CCNE1: variants seen among roughly 807,000 people sequenced by gnomAD.
CCNE1 encodes cyclin E1.
A neutral mutation model predicts 54.1 loss-of-function variants in CCNE1; 8 were observed. That is an observed-to-expected ratio of 0.15 (90% CI 0.09 to 0.27). The LOEUF is 0.27. CCNE1 is among the 10% of genes least tolerant of loss of function. The pLI, the probability that CCNE1 is intolerant of heterozygous loss-of-function variation, is 1.00. For missense variants in CCNE1, 430 were observed against 514.9 expected (o/e 0.84, Z 1.60); for synonymous variants, 179 against 185.2 (o/e 0.97, Z 0.27).
rs765068044 is a variant in CCNE1, at chr19:29,822,147, C to T, written c.840+17C>T. 4.2e-5 allele frequency: 68 copies of T among 1,611,904 alleles called. No homozygotes were observed. The highest frequency in any genetic ancestry group is 5.3e-5 in the African/African-American group (4 of 74,916). The stretch of plus-strand genomic sequence containing the variant: ...ATTGCAGAGGTAAGTGGCTCCATCA[C>T]GTCCGTGGGGCCACCTTCCCTGCAG... On this transcript the variant is annotated intron_variant, in intron 9 of 11. Transcript: ENST00000262643.
intron 4 of CCNE1, among the ~76,000 whole-genome samples, chr19:29,816,782 A>G (rs1047136280): frequency 6.6e-6 from 1 of 152,152 alleles, no homozygotes; most frequent in Non-Finnish European, 1.5e-5. Flanking sequence ...TACATGTGCC[A>G]TGTTGGTGTG....
At chr19:29,818,942 A>T (rs1222215263) in intron 6 of CCNE1, among the ~76,000 whole-genome samples, 2 of 151,756 alleles carry the variant, frequency 1.3e-5, no homozygotes, top group East Asian at 3.9e-4. Context: ...TTGTATTTTT[A>T]GTAGAGACGG....
At chr19:29,813,684 T>G (rs981047073) in intron 4 of CCNE1, among the ~76,000 whole-genome samples, 1 of 152,090 alleles carries the variant, frequency 6.6e-6, no homozygotes, top group African/African-American at 2.4e-5. Context: ...AATACATTTT[T>G]TTTTGACTGC....
At position 29,824,048 on chromosome 19, in the gene CCNE1, A is replaced by C; in HGVS notation, c.*271A>C. 1 of 335,526 alleles carries C rather than the reference A, an allele frequency of 3.0e-6. No homozygotes were observed. Among genetic ancestry groups the C allele is most frequent in the African/African-American group, 2.1e-5 (1 of 47,868 alleles). The allele number at this position is 335,526 out of a possible 1,614,324, so 20.8% of individuals were successfully genotyped here. A position where few individuals can be genotyped will look rare whatever the true frequency, so the allele number is the denominator to read the frequency against. On this transcript the variant is annotated 3_prime_UTR_variant, in exon 12 of 12. Transcript: ENST00000262643. ...ATGCTGCTATGGAAGGTGCTACTTG[A>C]CCTAAGGGACTCCCACAACAACAAA...
chr19:29,823,132 C>T (rs1181839728), intron 11 of CCNE1, among the ~76,000 whole-genome samples: 7 of 151,982 alleles, frequency 4.6e-5, no homozygotes, highest in African/African-American at 1.2e-4. Context: ...CACTCACCTC[C>T]GTAGAAAAAG....
rs903633111 is a variant in CCNE1 at position 29,812,016 on chromosome 19, G to A, written c.-161G>A. On this transcript the variant is annotated 5_prime_UTR_variant, in exon 1 of 12. Coordinates refer to ENST00000262643, the MANE Select transcript of CCNE1 (RefSeq NM_001238.4). ...AGGAGCAGCCGGCGCGGCCGCCAGC[G>A]CGGTGTAGGGGGCAGGCGCGGATCC... The A allele has an allele frequency of 1.4e-5, 2 of 147,500 alleles. No homozygotes were observed. Among genetic ancestry groups the A allele is most frequent in the Non-Finnish European group, 3.0e-5 (2 of 66,020 alleles). The allele number at this position is 147,500 out of a possible 1,614,324, so 9.1% of individuals were successfully genotyped here.
In CCNE1 at chr19:29,817,320, T is replaced by C. The variant is rs780479023; in HGVS notation, c.326+38T>C. On this transcript the variant is annotated intron_variant, in intron 5 of 11. Coordinates refer to ENST00000262643, the MANE Select transcript of CCNE1 (RefSeq NM_001238.4). Reference sequence around the variant, plus strand: ...TCTGCCACATGGCTTCCAGGTCTCTTACTCCATGCTCCCCTTTATCCCTCA... The same window carrying C: ...TCTGCCACATGGCTTCCAGGTCTCTCACTCCATGCTCCCCTTTATCCCTCA... 2.5e-6 allele frequency: 4 copies of C among 1,613,970 alleles called. No homozygotes were observed. The Admixed American group carries it at 6.7e-5, about 27-fold the overall frequency.
At chr19:29,821,547 CTTTTTTT>C (rs35368977) in intron 7 of CCNE1, among the ~76,000 whole-genome samples, 168 bp from the exon 8 acceptor site, 1 of 110,442 alleles carries the variant, frequency 9.1e-6, no homozygotes, top group Non-Finnish European at 1.8e-5. Context: ...GAGTTGTGTT[CTTTTTTT>C]TTTTTTTTTT....
At chr19:29,815,628 T>C (rs1434664775) in intron 4 of CCNE1, among the ~76,000 whole-genome samples, 4 of 145,980 alleles carry the variant, frequency 2.7e-5, no homozygotes, top group African/African-American at 1.0e-4. Context: ...TCTGCTTTTT[T>C]TTTTTTTTTT....
At chr19:29,823,379 A>T (rs1243572162) in intron 11 of CCNE1, among the ~76,000 whole-genome samples, 4 of 152,132 alleles carry the variant, frequency 2.6e-5, no homozygotes, top group Non-Finnish European at 5.9e-5. Context: ...CCCTGTCTCT[A>T]TGAAAAATAC....
At chr19:29,817,011 T>C in intron 4 of CCNE1, 126 bp from the exon 5 acceptor site, 3 of 947,894 alleles carry the variant, frequency 3.2e-6, no homozygotes, top group East Asian at 2.5e-5. Context: ...ATGTATCTTT[T>C]TGGAAGCACT....
chr19:29,824,062 C>T lies in CCNE1; in HGVS notation c.*285C>T, dbSNP rs118142197. 5.3e-3 allele frequency: 1,699 copies of T among 320,822 alleles called. 9 individuals are homozygous for T. Among genetic ancestry groups the T allele is most frequent in the Non-Finnish European group, 7.7e-3 (1,352 of 175,444 alleles). 19.9% of individuals were successfully genotyped at this position (320,822 alleles called of 1,614,324 possible). On this transcript the variant is annotated 3_prime_UTR_variant, in exon 12 of 12. Transcript: ENST00000262643. The stretch of plus-strand genomic sequence containing the variant: ...GGTGCTACTTGACCTAAGGGACTCC[C>T]ACAACAACAAAAGCTTGAAGCTGTG...
intron 5 of CCNE1, 60 bp from the exon 6 acceptor site, chr19:29,817,346 T>C: frequency 5.6e-6 from 9 of 1,613,436 alleles, no homozygotes; most frequent in South Asian, 1.1e-5. Context: ...TTATCCCTCA[T>C]AGCATGGACG....
chr19:29,817,046 A>C, intron 4 of CCNE1, 91 bp from the exon 5 acceptor site: 1 of 1,298,062 alleles, frequency 7.7e-7, no homozygotes, highest in Non-Finnish European at 1.1e-6. Flanking sequence ...CTAGTATCTT[A>C]CTGAGTTGCA....
Position 29,820,800 on chromosome 19 carries a change from T to C in CCNE1, c.561T>C (p.Leu187=), listed in dbSNP as rs773250042. The change falls in exon 7 of 12, where the codon CTT becomes CTC. Residue 187 remains leucine, a synonymous_variant. Transcript: ENST00000262643. ...CACAAGAAAATGTTGTAAAAACTCT[T>C]TTACAGCTTATTGGGATTTCATCTT... ...MATQENVVKT[L]LQLIGISSLF... 1 of 1,604,680 alleles carries C rather than the reference T, an allele frequency of 6.2e-7. No homozygotes were observed. The highest frequency in any genetic ancestry group is 8.5e-7 in the Non-Finnish European group (1 of 1,173,822).
rs3218072 is a variant in CCNE1, at chr19:29,823,464, G to A, written c.1111-191G>A. Among the ~76,000 whole-genome samples, 2,014 of 151,992 alleles carry A rather than the reference G, an allele frequency of 0.013. 117 individuals are homozygous for A. In the East Asian group the frequency reaches 0.14, roughly 10 times the overall value. Reference sequence around the variant, plus strand: ...CTTGGGAGGCTGAGGCGGGAGAATCGGTTGAACCCTGGAAGTGGAAGTTGC... The same window carrying A: ...CTTGGGAGGCTGAGGCGGGAGAATCAGTTGAACCCTGGAAGTGGAAGTTGC... On this transcript the variant is annotated intron_variant, in intron 11 of 11. Coordinates refer to ENST00000262643, the MANE Select transcript of CCNE1 (RefSeq NM_001238.4).
chr19:29,812,343 G>A (rs1354809609), intron 1 of CCNE1, among the ~76,000 whole-genome samples, 189 bp from the exon 2 acceptor site: 1 of 149,450 alleles, frequency 6.7e-6, no homozygotes, highest in Non-Finnish European at 1.5e-5. Flanking sequence ...GGGAGGCGAC[G>A]GGCCGGTGAG....
rs547652444 is a variant in CCNE1 at position 29,813,070 on chromosome 19, G to A, written c.180+33G>A. 1.3e-5 allele frequency: 20 copies of A among 1,594,864 alleles called. No homozygotes were observed. In the South Asian group the frequency reaches 1.9e-4, roughly 15 times the overall value. On this transcript the variant is annotated intron_variant, in intron 4 of 11. Coordinates refer to ENST00000262643, the MANE Select transcript of CCNE1 (RefSeq NM_001238.4). ...CGCCCGGGGTTGGGCCTCTGTGGAG[G>A]TCCTTCTCCCCCTGGGTCACATGGG...
Position 29,817,174 on chromosome 19 carries a change from C to G in CCNE1, c.218C>G (p.Ser73Cys). Reference protein sequence around the residue: ...DNNAVCADPCSLIPTPDKEDD... With the variant: ...DNNAVCADPCCLIPTPDKEDD... ...AATGCAGTCTGTGCAGACCCCTGCTCCCTGATCCCCACACCTGACAAAGAA... is the reference window on the plus strand; with the variant it reads ...AATGCAGTCTGTGCAGACCCCTGCTGCCTGATCCCCACACCTGACAAAGAA... The change falls in exon 5 of 12, where the codon TCC (serine) becomes TGC (cysteine). Residue 73 changes from serine (S) to cysteine (C), a missense_variant. Ser to Cys is a moderately radical substitution (Grantham distance 112). Coordinates refer to ENST00000262643, the MANE Select transcript of CCNE1 (RefSeq NM_001238.4). The G allele has an allele frequency of 6.2e-7, 1 of 1,614,078 alleles. No homozygotes were observed. The highest frequency in any genetic ancestry group is 1.1e-5 in the South Asian group (1 of 91,082).
Sources: gnomAD v4.1 joint callset for allele counts (sites outside exome capture counted in the v4.1 genomes callset) on GRCh38, gnomAD v4.1.1 for gene constraint, MANE v1.5 for transcripts, NCBI Gene and HGNC (gene_info 2026-07-23, HGNC 2026-07-21) for gene names.